Variants in GRIN3A observed in about 807,000 individuals in gnomAD.
GRIN3A encodes the protein glutamate receptor ionotropic, NMDA 3A.
In GRIN3A, 47 loss-of-function variants were observed where a neutral mutation model predicts 92.4. That is an observed-to-expected ratio of 0.51 (90% confidence interval 0.40 to 0.65). The LOEUF (loss-of-function observed/expected upper bound fraction) is 0.65, where lower values mean the gene tolerates loss of function less well. Among genes scored for constraint, GRIN3A ranks in the 30% least tolerant of loss-of-function variants. GRIN3A has a pLI of 0.00. For synonymous variants in GRIN3A, 527 were observed against 540.6 expected (o/e 0.97, Z 0.35); for missense variants, 1,324 against 1,393.1 (o/e 0.95, Z 0.79).
chr9:101,697,614 T>G (rs985394669), intron 1 of GRIN3A, among the ~76,000 whole-genome samples: 6 of 152,198 alleles, frequency 3.9e-5, no homozygotes, highest in Non-Finnish European at 8.8e-5. Context: ...ATTGCCTGCA[T>G]CCACTGAAGC....
chr9:101,663,090 C>T (rs1008947068), intron 3 of GRIN3A, among the ~76,000 whole-genome samples: 1 of 151,898 alleles, frequency 6.6e-6, no homozygotes, highest in African/African-American at 2.4e-5. Context: ...GACAGTTGCA[C>T]TCCCCTCTGT....
intron 3 of GRIN3A, among the ~76,000 whole-genome samples, chr9:101,641,386 C>A (rs1361090854): frequency 6.6e-6 from 1 of 152,108 alleles, no homozygotes; most frequent in Non-Finnish European, 1.5e-5. Flanking sequence ...GGAACCAACC[C>A]AAATGTCCAA....
chr9:101,642,610 G>T (rs748038933), intron 3 of GRIN3A, among the ~76,000 whole-genome samples: 9 of 152,128 alleles, frequency 5.9e-5, no homozygotes, highest in African/African-American at 1.2e-4. Flanking sequence ...CAGGCCAACT[G>T]GTCCATGGCC....
chr9:101,722,402 C>T (rs1830024236), intron 1 of GRIN3A, among the ~76,000 whole-genome samples: 1 of 152,202 alleles, frequency 6.6e-6, no homozygotes, highest in Non-Finnish European at 1.5e-5. Flanking sequence ...GGTCGGAGCC[C>T]CCACAGAGTC....
chr9:101,699,735 G>A (rs1026391848), intron 1 of GRIN3A, among the ~76,000 whole-genome samples: 25 of 152,042 alleles, frequency 1.6e-4, no homozygotes, highest in Non-Finnish European at 8.8e-5. Context: ...TCTAGCTGTT[G>A]TGCTTATCTT....
intron 2 of GRIN3A, among the ~76,000 whole-genome samples, chr9:101,677,811 A>G (rs1478040613): frequency 6.6e-6 from 1 of 152,092 alleles, no homozygotes; most frequent in Non-Finnish European, 1.5e-5. Context: ...AGTTCTCCAA[A>G]TTAAACATTA....
At chr9:101,597,396 C>T (rs1046893194) in intron 6 of GRIN3A, among the ~76,000 whole-genome samples, 1 of 152,138 alleles carries the variant, frequency 6.6e-6, no homozygotes, top group Non-Finnish European at 1.5e-5. Flanking sequence ...TAATGCTGAG[C>T]AGACAGAACA....
At chr9:101,703,482 C>G (rs1481413158) in intron 1 of GRIN3A, among the ~76,000 whole-genome samples, 1 of 152,214 alleles carries the variant, frequency 6.6e-6, no homozygotes, top group African/African-American at 2.4e-5. Context: ...TTTTATGACA[C>G]TATTTTATCT....
At chr9:101,661,869 G>T (rs552824310) in intron 3 of GRIN3A, among the ~76,000 whole-genome samples, 23 of 151,970 alleles carry the variant, frequency 1.5e-4, no homozygotes, top group Middle Eastern at 3.4e-3. Context: ...CACTAAGGTT[G>T]AGAAATATCA....
Position 101,660,234 on chromosome 9 carries a change from AT to A in GRIN3A, c.2352+9825del, listed in dbSNP as rs1032597664. ...TACATCTCTGAGACTCGGTTCCACT[AT>A]GGGCATCATGGTCTTAGGTGTTATT... On this transcript the variant is annotated intron_variant, in intron 3 of 8. Coordinates refer to ENST00000361820, the MANE Select transcript of GRIN3A (RefSeq NM_133445.3). Among the ~76,000 whole-genome samples, 134 of 151,950 alleles carry A rather than the reference AT, an allele frequency of 8.8e-4. 1 individual carries two copies. The highest frequency in any genetic ancestry group is 3.1e-3 in the African/African-American group (127 of 41,518).
chr9:101,581,012 G>A lies in GRIN3A; in HGVS notation c.2767-1652C>T, dbSNP rs139824540. Among the ~76,000 whole-genome samples, 18 of 152,302 alleles carry A rather than the reference G, an allele frequency of 1.2e-4. 1 individual carries two copies. Among genetic ancestry groups the A allele is most frequent in the Non-Finnish European group, 2.1e-4 (14 of 68,026 alleles). ...GACATCAATGACAAGAGTCAATCCC[G>A]TAGAAGTAAAAATACATAATATATT... On this transcript the variant is annotated intron_variant, in intron 6 of 8. Transcript: ENST00000361820.
chr9:101,704,108 T>G (rs1024273800), intron 1 of GRIN3A, among the ~76,000 whole-genome samples: 5 of 152,236 alleles, frequency 3.3e-5, no homozygotes, highest in African/African-American at 1.2e-4. Context: ...CCAAGCAGCT[T>G]GCTGCTTTAG....
chr9:101,602,496 A>G (rs1267268799), intron 6 of GRIN3A, among the ~76,000 whole-genome samples: 3 of 152,152 alleles, frequency 2.0e-5, no homozygotes, highest in African/African-American at 4.8e-5. Context: ...ATGGAAGTCT[A>G]AAAAAATGGA....
chr9:101,586,782 G>A (rs1827955606), intron 6 of GRIN3A, among the ~76,000 whole-genome samples: 2 of 152,180 alleles, frequency 1.3e-5, no homozygotes, highest in South Asian at 2.1e-4. Flanking sequence ...CTGTTCACCA[G>A]GCAAAGCATG....
At chr9:101,672,174 A>T (rs1309404543) in intron 2 of GRIN3A, among the ~76,000 whole-genome samples, 1 of 69,210 alleles carries the variant, frequency 1.4e-5, no homozygotes, top group African/African-American at 3.6e-5. Flanking sequence ...CCCTTGAACA[A>T]TTTACTTGAA....
intron 3 of GRIN3A, among the ~76,000 whole-genome samples, chr9:101,643,747 G>T (rs1828897863): frequency 6.6e-6 from 1 of 150,704 alleles, no homozygotes; most frequent in Non-Finnish European, 1.5e-5. Flanking sequence ...TGCTGTTTAT[G>T]ACAACACGGG....
At chr9:101,618,857 C>A (rs1828507867) in intron 5 of GRIN3A, among the ~76,000 whole-genome samples, 1 of 152,162 alleles carries the variant, frequency 6.6e-6, no homozygotes, top group African/African-American at 2.4e-5. Context: ...CTCAACTGAG[C>A]AGCCTGAGTT....
At chr9:101,618,385 A>G (rs61097329) in intron 5 of GRIN3A, among the ~76,000 whole-genome samples, 12,066 of 151,890 alleles carry the variant, frequency 0.079, 635 homozygotes, top group African/African-American at 0.15. Context: ...AAGTGGGCAA[A>G]GGACATGAAC....
chr9:101,633,523 A>G (rs1828740319), intron 3 of GRIN3A, among the ~76,000 whole-genome samples: 2 of 152,182 alleles, frequency 1.3e-5, no homozygotes, highest in Admixed American at 1.3e-4. Flanking sequence ...ATGGACAGGT[A>G]ATGGTCCGTG....
Sources: gnomAD v4.1 joint callset for allele counts (sites outside exome capture counted in the v4.1 genomes callset) on GRCh38, gnomAD v4.1.1 for gene constraint, MANE v1.5 for transcripts, NCBI Gene and HGNC (gene_info 2026-07-23, HGNC 2026-07-21) for gene names.